The following ECPAS variants were observed in gnomAD, a reference collection of about 807,000 sequenced individuals.
ECPAS encodes proteasome adapter and scaffold protein ECM29.
In ECPAS, 70 loss-of-function variants were observed where a neutral mutation model predicts 255.1. The observed-to-expected ratio is 0.27, with a 90% CI of 0.23 to 0.33. ECPAS has a LOEUF of 0.33. Among genes scored for constraint, ECPAS ranks in the 10% least tolerant of loss-of-function variants. The pLI, the probability that ECPAS is intolerant of heterozygous loss-of-function variation, is 1.00. For synonymous variants in ECPAS, 784 were observed against 775.0 expected (o/e 1.01, Z -0.19); for missense variants, 1,817 against 2,206.4 (o/e 0.82, Z 3.54).
intron 4 of ECPAS, among the ~76,000 whole-genome samples, chr9:111,443,267 C>T (rs943741686): frequency 2.6e-5 from 4 of 151,950 alleles, no homozygotes; most frequent in African/African-American, 4.8e-5. Flanking sequence ...TTTTTTTCCC[C>T]CAAGACAGAG....
chr9:111,461,387 C>A (rs1324508321), intron 2 of ECPAS, among the ~76,000 whole-genome samples: 1 of 151,974 alleles, frequency 6.6e-6, no homozygotes, highest in Non-Finnish European at 1.5e-5. Context: ...ACTGCTTGAG[C>A]CCAGGAGGTA....
rs369172314 is a variant in ECPAS, at chr9:111,371,757, G to A, written c.4601C>T (p.Ser1534Phe). 5.8e-5 allele frequency: 93 copies of A among 1,613,732 alleles called. No homozygotes were observed. The highest frequency in any genetic ancestry group is 7.3e-5 in the Non-Finnish European group (86 of 1,179,802). The change falls in exon 43 of 50, where the codon TCC (serine) becomes TTC (phenylalanine). Residue 1534 changes from serine (S) to phenylalanine (F), a missense_variant. Ser to Phe is a radical substitution (Grantham distance 155, BLOSUM62 -2). Transcript: ENST00000684092. The stretch of plus-strand genomic sequence containing the variant: ...TGCACCCTGGGCTTTCATTTTCCAG[G>A]ACTGAGACTGCAAAGCCTTCTGGGT... ...TITQKALQSQSWKMKAQGAIA... is the reference protein window; with the variant it reads ...TITQKALQSQFWKMKAQGAIA...
intron 31 of ECPAS, among the ~76,000 whole-genome samples, chr9:111,388,855 G>A (rs542057969): frequency 1.4e-4 from 22 of 152,260 alleles, no homozygotes; most frequent in South Asian, 1.2e-3. Context: ...TAGGTAAACA[G>A]TGAGAGTAGA....
At chr9:111,362,514 C>T (rs903716880) in intron 49 of ECPAS, among the ~76,000 whole-genome samples, 8 of 151,614 alleles carry the variant, frequency 5.3e-5, no homozygotes, top group African/African-American at 1.9e-4. Context: ...GTCATTTCAA[C>T]AACACCATCG....
chr9:111,410,281 T>C (rs911432559), intron 22 of ECPAS, 68 bp from the exon 23 acceptor site: 40 of 1,366,452 alleles, frequency 2.9e-5, no homozygotes, highest in Non-Finnish European at 4.0e-5. Flanking sequence ...CAACCAGTGA[T>C]GTACTCAAGG....
intron 10 of ECPAS, among the ~76,000 whole-genome samples, chr9:111,426,583 T>G (rs1268249623): frequency 6.6e-6 from 1 of 151,490 alleles, no homozygotes. Flanking sequence ...TAGCCAAGCA[T>G]GGTGGCTCAC....
At chr9:111,418,808 T>C (rs2098208498) in intron 16 of ECPAS, among the ~76,000 whole-genome samples, 1 of 152,196 alleles carries the variant, frequency 6.6e-6, no homozygotes, top group Non-Finnish European at 1.5e-5. Context: ...TGCTCTAACA[T>C]GAACTGACAC....
rs1409109075 is a variant in ECPAS, at chr9:111,391,790, A to G, written c.3127T>C (p.Phe1043Leu). Residue 1043 changes from phenylalanine (F) to leucine (L), a missense_variant, in exon 29 of 50, where the codon TTT becomes CTT. By Grantham distance (22) the Phe-to-Leu change is conservative (BLOSUM62 0). Around this residue, in one of 4 missense-constraint regions of ECPAS, gnomAD observed 960 missense variants for 1,179.0 expected, o/e 0.81. Coordinates refer to ENST00000684092, the MANE Select transcript of ECPAS (RefSeq NM_001364929.1). ...GTTTTGCCAAGAGCTCCCCCTTGAA[A>G]TACCACTGTCTCTCCAGAAACTTCA... Reference protein sequence around the residue: ...KHEVSGETVVFQGGALGKTPD... With the variant: ...KHEVSGETVVLQGGALGKTPD... The G allele has an allele frequency of 1.2e-6, 2 of 1,609,652 alleles. No homozygotes were observed. The highest frequency in any genetic ancestry group is 2.2e-5 in the South Asian group (2 of 90,294).
chr9:111,414,761 A>T, intron 18 of ECPAS, 110 bp from the exon 19 acceptor site: 1 of 959,236 alleles, frequency 1.0e-6, no homozygotes, highest in Non-Finnish European at 1.5e-6. Context: ...ACTTCTTTAT[A>T]AAGCTATTCC....
chr9:111,442,805 G>A (rs1402537882), intron 4 of ECPAS, among the ~76,000 whole-genome samples: 2 of 152,188 alleles, frequency 1.3e-5, no homozygotes, highest in Non-Finnish European at 2.9e-5. Context: ...ATCAGGTGTT[G>A]ACAAATCCTA....
chr9:111,385,495 T>C (rs2098146823), intron 32 of ECPAS, 53 bp from the exon 33 acceptor site: 2 of 982,470 alleles, frequency 2.0e-6, no homozygotes, highest in South Asian at 1.5e-5. Context: ...AGTATTTTAC[T>C]ATGAAACATT....
chr9:111,468,488 A>C (rs751742403), intron 2 of ECPAS, among the ~76,000 whole-genome samples: 2 of 152,174 alleles, frequency 1.3e-5, no homozygotes, highest in Non-Finnish European at 1.5e-5. Flanking sequence ...GAGATGCAGC[A>C]GTTACTGCCG....
chr9:111,445,532 G>C (rs1452866577), intron 3 of ECPAS, among the ~76,000 whole-genome samples: 1 of 152,072 alleles, frequency 6.6e-6, no homozygotes, highest in African/African-American at 2.4e-5. Flanking sequence ...GTTCCAAGCA[G>C]AGTATCAGTT....
intron 3 of ECPAS, among the ~76,000 whole-genome samples, chr9:111,448,569 C>T (rs999080256): frequency 2.0e-5 from 3 of 152,188 alleles, no homozygotes; most frequent in African/African-American, 7.2e-5. Flanking sequence ...GTACTACCAA[C>T]TTATAATAGG....
chr9:111,484,087 C>A, intron 1 of ECPAS, 29 bp downstream of exon 1: 2 of 1,267,114 alleles, frequency 1.6e-6, no homozygotes, highest in South Asian at 2.3e-5. Flanking sequence ...CAGGGCCAGT[C>A]CCCCGCGGCC....
At chr9:111,468,645 G>A (rs2098282393) in intron 2 of ECPAS, among the ~76,000 whole-genome samples, 1 of 144,146 alleles carries the variant, frequency 6.9e-6, no homozygotes. Flanking sequence ...GAGAGAGAGA[G>A]AGAGAGAGCG....
chr9:111,411,866 A>G (rs2098195076), intron 21 of ECPAS, 148 bp downstream of exon 21: 2 of 643,648 alleles, frequency 3.1e-6, no homozygotes, highest in African/African-American at 1.9e-5. Context: ...GAACCAATGT[A>G]TCACCTATCT....
At chr9:111,366,755 G>A in intron 46 of ECPAS, 128 bp from the exon 47 acceptor site, 2 of 621,188 alleles carry the variant, frequency 3.2e-6, no homozygotes, top group Non-Finnish European at 5.8e-6. Flanking sequence ...AAGGTGGGGA[G>A]GATAAGAGAG....
At chr9:111,439,944 A>G (rs979687752) in intron 6 of ECPAS, among the ~76,000 whole-genome samples, 1 of 152,200 alleles carries the variant, frequency 6.6e-6, no homozygotes, top group African/African-American at 2.4e-5. Context: ...TGCAGCAACA[A>G]AGAAGAGAAA....
Sources: allele counts gnomAD v4.1 joint callset (sites outside exome capture counted in the v4.1 genomes callset), GRCh38; gene constraint gnomAD v4.1.1; regional missense constraint gnomAD v4.1.1; transcripts MANE v1.5; gene names NCBI Gene and HGNC (gene_info 2026-07-23, HGNC 2026-07-21).